WTIP: variants seen among roughly 807,000 people sequenced by gnomAD.
WTIP encodes the protein WT1 interacting protein.
WTIP carries 23 observed loss-of-function variants against 41.7 expected under a neutral mutation model. The observed-to-expected ratio is 0.55, with a 90% CI of 0.40 to 0.78. The LOEUF (loss-of-function observed/expected upper bound fraction) is 0.78, where lower values mean the gene tolerates loss of function less well. Among genes scored for constraint, WTIP ranks in the 30% least tolerant of loss-of-function variants. The pLI is 0.00. For missense variants in WTIP, 619 were observed against 610.5 expected (o/e 1.01, Z -0.15); for synonymous variants, 314 against 269.9 (o/e 1.16, Z -1.60).
At chr19:34,497,807 A>T (rs949541071) in intron 7 of WTIP, among the ~76,000 whole-genome samples, 10 of 152,246 alleles carry the variant, frequency 6.6e-5, no homozygotes, top group East Asian at 1.9e-4. Context: ...TGGTCTGCAG[A>T]GGGGCCAGGG....
At chr19:34,490,596 C>A in intron 2 of WTIP, 119 bp downstream of exon 2, 1 of 1,125,386 alleles carries the variant, frequency 8.9e-7, no homozygotes, top group Non-Finnish European at 1.3e-6. Flanking sequence ...CTGGCCCAGG[C>A]TGGGCTGTGG....
chr19:34,483,421 G>T (rs1182703993), intron 1 of WTIP, among the ~76,000 whole-genome samples: 3 of 152,142 alleles, frequency 2.0e-5, no homozygotes, highest in African/African-American at 7.2e-5. Flanking sequence ...GCCCCGCCAC[G>T]GTATGGGTGT....
chr19:34,507,711 T>C lies in WTIP; in HGVS notation c.*7442T>C, dbSNP rs1467973931. On this transcript the variant is annotated 3_prime_UTR_variant, in exon 8 of 8. Coordinates refer to ENST00000590071, the MANE Select transcript of WTIP (RefSeq NM_001080436.2). Reference sequence around the variant, plus strand: ...GGGTAGGGAGTGAGTCATTGCATTATAGACTTGGACTAGGTGGATGCTATT... The same window carrying C: ...GGGTAGGGAGTGAGTCATTGCATTACAGACTTGGACTAGGTGGATGCTATT... 1 of 152,316 alleles carries C rather than the reference T, an allele frequency of 6.6e-6. No individual in the cohort carries two copies. Among genetic ancestry groups the C allele is most frequent in the African/African-American group, 2.4e-5 (1 of 41,448 alleles). The allele number at this position is 152,316 out of a possible 1,614,324, so 9.4% of individuals were successfully genotyped here. A position where few individuals can be genotyped will look rare whatever the true frequency, so the allele number is the denominator to read the frequency against.
chr19:34,496,511 C>T (rs2075854516), intron 7 of WTIP, among the ~76,000 whole-genome samples: 2 of 152,124 alleles, frequency 1.3e-5, no homozygotes, highest in East Asian at 1.9e-4. Flanking sequence ...CTGTCCTTTT[C>T]CTGCCCCGCA....
Position 34,490,470 on chromosome 19 carries a change from C to T in WTIP, c.762C>T (p.Asp254=). ...SLYHTDCFTC[D]SCGRRLRGKA... ...ATCACACTGACTGCTTCACCTGCGA[C>T]TCGTGTGGTAGGTAACCTCGTGCCC... The change falls in exon 2 of 8, where the codon GAC becomes GAT. Residue 254 remains aspartate, a synonymous_variant. Coordinates refer to ENST00000590071, the MANE Select transcript of WTIP (RefSeq NM_001080436.2). The T allele has an allele frequency of 1.2e-6, 2 of 1,613,846 alleles. No homozygotes were observed. Among genetic ancestry groups the T allele is most frequent in the Non-Finnish European group, 8.5e-7 (1 of 1,179,814 alleles).
chr19:34,490,340 G>T, intron 1 of WTIP, 36 bp from the exon 2 acceptor site: 1 of 1,602,046 alleles, frequency 6.2e-7, no homozygotes, highest in Non-Finnish European at 8.6e-7. Context: ...AGGCTGTGGC[G>T]CTAACCCCTG....
chr19:34,484,236 C>T (rs1056989052), intron 1 of WTIP, among the ~76,000 whole-genome samples: 1 of 152,062 alleles, frequency 6.6e-6, no homozygotes, highest in Admixed American at 6.6e-5. Flanking sequence ...TGAACTGGAT[C>T]TTGAGGGGTG....
At chr19:34,500,045 T>TC in intron 7 of WTIP, 84 bp from the exon 8 acceptor site, 3 of 1,535,098 alleles carry the variant, frequency 2.0e-6, no homozygotes, top group Non-Finnish European at 2.6e-6. Flanking sequence ...GATCTGCCCC[T>TC]CCCCTCCGTC....
At position 34,504,395 on chromosome 19, in the gene WTIP, G is replaced by GTGTT. The variant is rs59855051; in HGVS notation, c.*4134_*4137dup. 1.3e-5 allele frequency: 2 copies of GTGTT among 149,678 alleles called. No homozygotes were observed. The highest frequency in any genetic ancestry group is 2.0e-4 in the East Asian group (1 of 5,056). 9.3% of individuals were successfully genotyped at this position (149,678 alleles called of 1,614,324 possible). A position where few individuals can be genotyped will look rare whatever the true frequency, so the allele number is the denominator to read the frequency against. On this transcript the variant is annotated 3_prime_UTR_variant, in exon 8 of 8. Coordinates refer to ENST00000590071, the MANE Select transcript of WTIP (RefSeq NM_001080436.2). ...TGACCACACTGTGGGGTGTAATTGT[G>GTGTT]TGTTTGTTTGTGTGTGTGTGTGTGT...
Position 34,493,443 on chromosome 19 carries a change from G to T in WTIP, c.901-49G>T. ...CAGGGCCAGAGCCTCTCCCAGGGCG[G>T]TGCTGAGCCTCCTGCCCGCGCTGAC... On this transcript the variant is annotated intron_variant, in intron 4 of 7. Coordinates refer to ENST00000590071, the MANE Select transcript of WTIP (RefSeq NM_001080436.2). This position sits in a 1 kb window ranked among gnomAD's most constrained non-coding sequence, Gnocchi z 4.1. The T allele has an allele frequency of 6.2e-7, 1 of 1,607,136 alleles. No homozygotes were observed. Among genetic ancestry groups the T allele is most frequent in the Non-Finnish European group, 8.5e-7 (1 of 1,177,254 alleles).
chr19:34,482,809 G>A lies in WTIP; in HGVS notation c.667+168G>A. 3 of 982,730 alleles carry A rather than the reference G, an allele frequency of 3.1e-6. No individual in the cohort carries two copies. The African/African-American group carries it at 5.2e-5, about 17-fold the overall frequency. The allele number at this position is 982,730 out of a possible 1,614,324, so 60.9% of individuals were successfully genotyped here. A position where few individuals can be genotyped will look rare whatever the true frequency, so the allele number is the denominator to read the frequency against. On this transcript the variant is annotated intron_variant, in intron 1 of 7. Transcript: ENST00000590071. ...AGGTGCATCCCCTGGGGACTGGGGA[G>A]CGCAAAGGGTGAGTGAGTGCGCCTG...
chr19:34,493,988 C>G lies in WTIP; in HGVS notation c.1031+366C>G, dbSNP rs1485955674. Among the ~76,000 whole-genome samples the G allele has an allele frequency of 6.6e-6, 1 of 152,170 alleles. No homozygotes were observed. On this transcript the variant is annotated intron_variant, in intron 5 of 7. Transcript: ENST00000590071. This position sits in a 1 kb window ranked among gnomAD's most constrained non-coding sequence, Gnocchi z 4.1. The stretch of plus-strand genomic sequence containing the variant: ...CTTGGGATCTCTGCAGCCCCCTTCT[C>G]CTGCCTGTCTGATCCCTGATCTGTT...
At chr19:34,496,459 C>T (rs1055530690) in intron 7 of WTIP, among the ~76,000 whole-genome samples, 11 of 152,138 alleles carry the variant, frequency 7.2e-5, no homozygotes, top group East Asian at 1.9e-4. Flanking sequence ...CGTGAGTCAC[C>T]GCGCCAGCCT....
intron 2 of WTIP, among the ~76,000 whole-genome samples, chr19:34,492,688 CA>C (rs35065558): frequency 4.5e-3 from 505 of 111,578 alleles, no homozygotes; most frequent in African/African-American, 7.0e-3. Flanking sequence ...TACTCTGTAT[CA>C]AAAAAAAAAA....
rs537070181 is a variant in WTIP, at chr19:34,511,560, C to A, written c.*11291C>A. 1.8e-4 allele frequency: 27 copies of A among 152,296 alleles called. No individual in the cohort carries two copies. In the East Asian group the frequency reaches 3.5e-3, roughly 20 times the overall value. The allele number at this position is 152,296 out of a possible 1,614,324, so 9.4% of individuals were successfully genotyped here. ...GATCAAGACCTGAACATGAAAATGG[C>A]AGGCCAAGGGTTCCTGCCTTTGGAT... On this transcript the variant is annotated 3_prime_UTR_variant, in exon 8 of 8. Coordinates refer to ENST00000590071, the MANE Select transcript of WTIP (RefSeq NM_001080436.2).
intron 2 of WTIP, among the ~76,000 whole-genome samples, chr19:34,490,730 G>T (rs1001044576): frequency 6.6e-6 from 1 of 152,368 alleles, no homozygotes; most frequent in East Asian, 1.9e-4. Flanking sequence ...ATGCGCTCAT[G>T]TCACCCAGCT....
chr19:34,509,230 C>A lies in WTIP; in HGVS notation c.*8961C>A, dbSNP rs879367033. 6.6e-6 allele frequency: 1 copy of A among 152,212 alleles called. No individual in the cohort carries two copies. The highest frequency in any genetic ancestry group is 1.5e-5 in the Non-Finnish European group (1 of 68,114). 9.4% of individuals were successfully genotyped at this position (152,212 alleles called of 1,614,324 possible). A position where few individuals can be genotyped will look rare whatever the true frequency, so the allele number is the denominator to read the frequency against. ...TTTTCACGCTGCTGATAAAGACATC[C>A]CCAAGACTGGGAAGAAAAAGAGGTT... On this transcript the variant is annotated 3_prime_UTR_variant, in exon 8 of 8. Transcript: ENST00000590071.
intron 1 of WTIP, among the ~76,000 whole-genome samples, chr19:34,488,268 G>C (rs1277684216): frequency 2.6e-5 from 4 of 152,106 alleles, no homozygotes; most frequent in Non-Finnish European, 5.9e-5. Context: ...TAGAGATGGT[G>C]TTTCACTATC....
intron 7 of WTIP, among the ~76,000 whole-genome samples, chr19:34,499,667 G>T (rs1432885057): frequency 2.0e-5 from 3 of 151,950 alleles, no homozygotes; most frequent in South Asian, 4.2e-4. Context: ...GCTCCACGCC[G>T]GGCTTCCCAT....
Sources: gnomAD v4.1 joint callset for allele counts (sites outside exome capture counted in the v4.1 genomes callset) on GRCh38, gnomAD v4.1.1 for gene constraint, Gnocchi (gnomAD v3.1) non-coding constraint, MANE v1.5 for transcripts, NCBI Gene and HGNC (gene_info 2026-07-23, HGNC 2026-07-21) for gene names.